ANGPT1: variants seen among roughly 807,000 people sequenced by gnomAD.
ANGPT1 encodes angiopoietin 1.
A neutral mutation model predicts 62.2 loss-of-function variants in ANGPT1; 17 were observed. The observed-to-expected ratio is 0.27, with a 90% CI of 0.19 to 0.41. ANGPT1 has a LOEUF of 0.41. Among genes scored for constraint, ANGPT1 ranks in the 10% least tolerant of loss-of-function variants. The pLI is 1.00. For missense variants in ANGPT1, 478 were observed against 594.9 expected (o/e 0.80, Z 2.04); for synonymous variants, 199 against 198.9 (o/e 1.00, Z 0.00).
At chr8:107,441,759 AC>A (rs1403567076) in intron 1 of ANGPT1, among the ~76,000 whole-genome samples, 4 of 152,028 alleles carry the variant, frequency 2.6e-5, no homozygotes, top group Non-Finnish European at 4.4e-5. Context: ...TCTAACCCAC[AC>A]CCCTAATAGA....
intron 1 of ANGPT1, among the ~76,000 whole-genome samples, chr8:107,425,718 C>T (rs1423448005): frequency 6.6e-6 from 1 of 152,180 alleles, no homozygotes; most frequent in Non-Finnish European, 1.5e-5. Flanking sequence ...AGATGTGAAG[C>T]AGAGGCTGAA....
At chr8:107,418,468 A>G (rs1483517701) in intron 1 of ANGPT1, among the ~76,000 whole-genome samples, 1 of 152,182 alleles carries the variant, frequency 6.6e-6, no homozygotes, top group Non-Finnish European at 1.5e-5. Context: ...TGAATTTTGT[A>G]TCGGCTGGGA....
intron 1 of ANGPT1, among the ~76,000 whole-genome samples, chr8:107,450,824 A>G (rs1036637862): frequency 4.6e-5 from 7 of 151,568 alleles, no homozygotes; most frequent in African/African-American, 9.7e-5. Context: ...AGAATAAATC[A>G]TATTTATTGA....
At chr8:107,257,384 A>G (rs571606750) in intron 8 of ANGPT1, among the ~76,000 whole-genome samples, 37 of 152,290 alleles carry the variant, frequency 2.4e-4, no homozygotes, top group African/African-American at 8.2e-4. Flanking sequence ...TCGCTAATAG[A>G]TGAAACTTTG....
chr8:107,439,124 T>G (rs1338136403), intron 1 of ANGPT1, among the ~76,000 whole-genome samples: 2 of 152,088 alleles, frequency 1.3e-5, no homozygotes, highest in African/African-American at 4.8e-5. Flanking sequence ...TATTAGTCAC[T>G]CAGACTTATA....
At chr8:107,336,658 C>CT (rs1286970611) in intron 2 of ANGPT1, 3 of 103,508 alleles carry the variant, frequency 2.9e-5, no homozygotes, top group Non-Finnish European at 5.4e-5. Flanking sequence ...GAGTAAGACT[C>CT]TGTCTCAAAA....
In ANGPT1 at chr8:107,276,327, C is replaced by T. The variant is rs1488627442; in HGVS notation, c.1205+8355G>A. Among the ~76,000 whole-genome samples the T allele has an allele frequency of 3.3e-5, 5 of 152,144 alleles. No individual in the cohort carries two copies. The East Asian group carries it at 7.7e-4, about 24-fold the overall frequency. On this transcript the variant is annotated intron_variant, in intron 7 of 8. Transcript: ENST00000517746. ...AGGAATTGAGGGAAGTAGAAACTGC[C>T]AGGAGATTTCCTACATATTTTTTCA...
rs116406697 is a variant in ANGPT1 at position 107,321,120 on chromosome 8, G to T, written c.808+776C>A. On this transcript the variant is annotated intron_variant, in intron 4 of 8. Transcript: ENST00000517746. ...TCTACTGAGGCTCACTAGAGGTTCT[G>T]CTTGAAGGAAACAGGTGCAAGCAGA... is the stretch of plus-strand genomic sequence containing the variant. Among the ~76,000 whole-genome samples, 1,142 of 152,126 alleles carry T rather than the reference G, an allele frequency of 7.5e-3. 14 individuals are homozygous for T. Among genetic ancestry groups the T allele is most frequent in the African/African-American group, 0.026 (1,063 of 41,520 alleles).
intron 1 of ANGPT1, among the ~76,000 whole-genome samples, chr8:107,374,944 G>A (rs1164658692): frequency 6.6e-6 from 1 of 152,236 alleles, no homozygotes; most frequent in East Asian, 1.9e-4. Context: ...GGCGGATCAC[G>A]AGGTCAGGAG....
intron 1 of ANGPT1, among the ~76,000 whole-genome samples, chr8:107,363,273 G>T (rs2130212796): frequency 6.6e-6 from 1 of 152,270 alleles, no homozygotes; most frequent in African/African-American, 2.4e-5. Flanking sequence ...GATGTAAGGT[G>T]CCATGTAAAT....
At chr8:107,409,972 TCCA>T (rs1586298705) in intron 1 of ANGPT1, among the ~76,000 whole-genome samples, 1 of 138,544 alleles carries the variant, frequency 7.2e-6, no homozygotes, top group East Asian at 2.0e-4. Flanking sequence ...CATCCATCCA[TCCA>T]TCCATCCATC....
At chr8:107,387,876 T>A (rs1347142518) in intron 1 of ANGPT1, among the ~76,000 whole-genome samples, 1 of 152,032 alleles carries the variant, frequency 6.6e-6, no homozygotes, top group Non-Finnish European at 1.5e-5. Context: ...TAAATTTCTT[T>A]GAAGTAAATA....
intron 1 of ANGPT1, among the ~76,000 whole-genome samples, chr8:107,401,120 A>G (rs1193525463): frequency 2.0e-5 from 3 of 152,140 alleles, no homozygotes; most frequent in Non-Finnish European, 4.4e-5. Context: ...TTTTGAGTCC[A>G]TAGACTTTGC....
rs1025565567 is a variant in ANGPT1 at position 107,384,452 on chromosome 8, A to G, written c.298-37355T>C. ...ATATGTATTATCTGTGTTAATTACA[A>G]AAAAAAAATAGACTTTGCTATATGA... On this transcript the variant is annotated intron_variant, in intron 1 of 8. Coordinates refer to ENST00000517746, the MANE Select transcript of ANGPT1 (RefSeq NM_001146.5). Among the ~76,000 whole-genome samples, 20 of 29,378 alleles carry G rather than the reference A, an allele frequency of 6.8e-4. 1 individual carries two copies. Among genetic ancestry groups the G allele is most frequent in the Admixed American group, 4.1e-3 (11 of 2,692 alleles). The allele number at this position is 29,378 out of a possible 152,430, so 19.3% of individuals were successfully genotyped here.
At chr8:107,296,293 C>A (rs903638010) in intron 5 of ANGPT1, among the ~76,000 whole-genome samples, 2 of 151,830 alleles carry the variant, frequency 1.3e-5, no homozygotes, top group African/African-American at 4.8e-5. Context: ...GACTGCTGTC[C>A]CCAGTACCTA....
chr8:107,269,085 CAT>C (rs1330811761), intron 7 of ANGPT1, among the ~76,000 whole-genome samples: 3 of 152,002 alleles, frequency 2.0e-5, no homozygotes, highest in Non-Finnish European at 4.4e-5. Flanking sequence ...AAACTTTGCA[CAT>C]GAGGACAACT....
At chr8:107,367,279 ATAGC>A (rs1816295017) in intron 1 of ANGPT1, among the ~76,000 whole-genome samples, 1 of 152,200 alleles carries the variant, frequency 6.6e-6, no homozygotes, top group Non-Finnish European at 1.5e-5. Context: ...TAAGTGTGAA[ATAGC>A]ATTATGCCTA....
At chr8:107,286,311 G>A (rs17360907) in intron 6 of ANGPT1, among the ~76,000 whole-genome samples, 1,714 of 152,094 alleles carry the variant, frequency 0.011, 20 homozygotes, top group Middle Eastern at 0.02. Context: ...ATAAATATCC[G>A]GATTTGCTCA....
Position 107,370,176 on chromosome 8 carries a change from G to GAAAGAAAGAAAGAAAGAAAGA in ANGPT1, c.298-23080_298-23079insTCTTTCTTTCTTTCTTTCTTT, listed in dbSNP as rs1291848259. On this transcript the variant is annotated intron_variant, in intron 1 of 8. Coordinates refer to ENST00000517746, the MANE Select transcript of ANGPT1 (RefSeq NM_001146.5). ...AAAGAGAAAGAAAGAAAGAGAGAAA[G>GAAAGAAAGAAAGAAAGAAAGA]AAGAAAGAAAGAAAGAAAAAAAGAA... Among the ~76,000 whole-genome samples, 14 of 86,086 alleles carry GAAAGAAAGAAAGAAAGAAAGA rather than the reference G, an allele frequency of 1.6e-4. 1 individual carries two copies. The highest frequency in any genetic ancestry group is 1.6e-4 in the Non-Finnish European group (7 of 42,772). 56.5% of individuals were successfully genotyped at this position (86,086 alleles called of 152,430 possible).
Sources: gnomAD v4.1 joint callset for allele counts (sites outside exome capture counted in the v4.1 genomes callset) on GRCh38, gnomAD v4.1.1 for gene constraint, MANE v1.5 for transcripts, NCBI Gene and HGNC (gene_info 2026-07-23, HGNC 2026-07-21) for gene names.